Variants in VEPH1 observed in about 807,000 individuals in gnomAD.
The protein encoded by VEPH1 is ventricular zone expressed PH domain containing 1.
A neutral mutation model predicts 85.2 loss-of-function variants in VEPH1; 80 were observed. The ratio of observed to expected loss-of-function variants is 0.94; its 90% CI spans 0.78 to 1.13. VEPH1 has a LOEUF of 1.13. VEPH1 is among the 50% of genes most tolerant of loss of function. The probability of loss-of-function intolerance (pLI) is 0.00; values close to 1 mark genes in which losing one functional copy is unlikely to be tolerated. For synonymous variants in VEPH1, 297 were observed against 348.0 expected (o/e 0.85, Z 1.63); for missense variants, 955 against 980.5 (o/e 0.97, Z 0.35).
At chr3:157,462,508 T>C (rs1417220956) in intron 3 of VEPH1, among the ~76,000 whole-genome samples, 1 of 152,170 alleles carries the variant, frequency 6.6e-6, no homozygotes, top group Non-Finnish European at 1.5e-5. Flanking sequence ...GTCAGGAAGA[T>C]GACTTGTCTA....
At chr3:157,286,412 T>C in intron 12 of VEPH1, 145 bp downstream of exon 12, 1 of 714,548 alleles carries the variant, frequency 1.4e-6, no homozygotes, top group Non-Finnish European at 2.4e-6. Context: ...GACGCCTTTC[T>C]CAGCACAAAG....
intron 2 of VEPH1, chr3:157,488,910 TTCTCTCTCTCTCTCTCTCTC>T (rs58292793): frequency 7.9e-6 from 1 of 127,244 alleles, no homozygotes; most frequent in African/African-American, 3.2e-5. Flanking sequence ...CTTAAGTTCG[TTCTCTCTCTCTCTCTCTCTC>T]TCTCTCTCTC....
intron 6 of VEPH1, among the ~76,000 whole-genome samples, chr3:157,402,220 T>C (rs1251075237): frequency 6.6e-6 from 1 of 152,192 alleles, no homozygotes; most frequent in East Asian, 1.9e-4. Flanking sequence ...ATTTGTAACT[T>C]TTGCTGTTGC....
At chr3:157,394,576 A>G (rs889510704) in intron 6 of VEPH1, among the ~76,000 whole-genome samples, 1 of 152,224 alleles carries the variant, frequency 6.6e-6, no homozygotes, top group African/African-American at 2.4e-5. Context: ...CATGAAGCAT[A>G]GTTCTGCAAT....
chr3:157,439,757 G>GT (rs1218695160), intron 4 of VEPH1, among the ~76,000 whole-genome samples: 8 of 151,950 alleles, frequency 5.3e-5, no homozygotes, highest in Non-Finnish European at 1.0e-4. Context: ...CTACTTTTTT[G>GT]TTTTTTTCTT....
At chr3:157,459,704 A>G in intron 4 of VEPH1, 1 of 1,399,616 alleles carries the variant, frequency 7.1e-7, no homozygotes, top group South Asian at 1.7e-5. Flanking sequence ...TTTTTATGCT[A>G]GTATTTATGC....
At chr3:157,331,178 C>T (rs1215373349) in intron 9 of VEPH1, among the ~76,000 whole-genome samples, 2 of 152,202 alleles carry the variant, frequency 1.3e-5, no homozygotes, top group Non-Finnish European at 2.9e-5. Flanking sequence ...CCATTGCTAA[C>T]AGCCACACAG....
intron 11 of VEPH1, among the ~76,000 whole-genome samples, chr3:157,304,034 T>C (rs200365677): frequency 5.5e-5 from 4 of 73,110 alleles, no homozygotes; most frequent in East Asian, 7.9e-4. Flanking sequence ...TATATATATA[T>C]ATATACACAC....
intron 4 of VEPH1, chr3:157,442,911 C>T (rs565853397): frequency 3.1e-5 from 50 of 1,614,004 alleles, no homozygotes; most frequent in East Asian, 1.1e-4. Flanking sequence ...TTGTCACATC[C>T]GGGGGAATAT....
rs779683954 is a variant in VEPH1, at chr3:157,363,480, G to A, written c.1619C>T (p.Pro540Leu). 10 of 1,614,044 alleles carry A rather than the reference G, an allele frequency of 6.2e-6. No homozygotes were observed. Among genetic ancestry groups the A allele is most frequent in the South Asian group, 1.1e-5 (1 of 91,068 alleles). Residue 540 changes from proline to leucine, a missense_variant, in exon 9 of 14, where the codon CCT (proline) becomes CTT (leucine). Physicochemically the swap from Pro to Leu is moderately conservative, Grantham distance 98. Coordinates refer to ENST00000362010, the MANE Select transcript of VEPH1 (RefSeq NM_001167912.2). ...GTAGAGCTTATCTTGGTATTCTATA[G>A]GACTTGCAGTTGTCTCTGGAGTTTC... ...QEETPETTAS[P>L]IEYQDKLYLH...
chr3:157,422,284 A>C (rs979214493), intron 5 of VEPH1, among the ~76,000 whole-genome samples: 3 of 152,172 alleles, frequency 2.0e-5, no homozygotes, highest in Non-Finnish European at 2.9e-5. Context: ...GATAAAGATG[A>C]AGTGCATGTG....
rs184408966 is a variant in VEPH1 at position 157,446,760 on chromosome 3, T to G, written c.529+13421A>C. Among the ~76,000 whole-genome samples, 60 of 152,326 alleles carry G rather than the reference T, an allele frequency of 3.9e-4. 1 individual carries two copies. In the East Asian group the frequency reaches 0.01, roughly 25 times the overall value. Reference sequence around the variant, plus strand: ...GATGTATTCTTGGATTCAGTGAACATGAACACTCCTATCGTTGATCCTTGC... The same window carrying G: ...GATGTATTCTTGGATTCAGTGAACAGGAACACTCCTATCGTTGATCCTTGC... On this transcript the variant is annotated intron_variant, in intron 4 of 13. Coordinates refer to ENST00000362010, the MANE Select transcript of VEPH1 (RefSeq NM_001167912.2).
At position 157,261,140 on chromosome 3, in the gene VEPH1, A is replaced by G; in HGVS notation, c.2496T>C (p.Tyr832=). The G allele has an allele frequency of 6.2e-7, 1 of 1,613,606 alleles. No individual in the cohort carries two copies. Among genetic ancestry groups the G allele is most frequent in the Non-Finnish European group, 8.5e-7 (1 of 1,179,664 alleles). The change falls in exon 14 of 14, where the codon TAT becomes TAC. Residue 832 remains tyrosine (Y), a synonymous_variant. Coordinates refer to ENST00000362010, the MANE Select transcript of VEPH1 (RefSeq NM_001167912.2). ...ATGGCTGACTTATAAATCCCTACAG[A>G]TATGTGGTTACTTCTCTACTTTCCC... ...KERESREVTT[Y]L
chr3:157,364,017 C>T (rs1467997205), intron 8 of VEPH1, among the ~76,000 whole-genome samples: 1 of 152,158 alleles, frequency 6.6e-6, no homozygotes, highest in African/African-American at 2.4e-5. Flanking sequence ...ACATATTTTT[C>T]ATCTTTGTCT....
At chr3:157,268,349 A>G (rs1714035615) in intron 12 of VEPH1, among the ~76,000 whole-genome samples, 2 of 152,186 alleles carry the variant, frequency 1.3e-5, no homozygotes, top group South Asian at 4.1e-4. Flanking sequence ...GGTGCAGCAG[A>G]CTATCTGGGA....
chr3:157,442,647 G>A (rs148494144), intron 4 of VEPH1: 12 of 1,614,184 alleles, frequency 7.4e-6, no homozygotes, highest in African/African-American at 1.3e-5. Flanking sequence ...CCACCTGTGC[G>A]GCACCTGGAA....
intron 6 of VEPH1, among the ~76,000 whole-genome samples, chr3:157,386,250 C>CAAAAAAAAAAAAAA (rs71302265): frequency 2.6e-5 from 1 of 38,488 alleles, no homozygotes; most frequent in African/African-American, 1.3e-4. Context: ...AATGGTTCCA[C>CAAAAAAAAAAAAAA]AAAAAAAAAA....
intron 9 of VEPH1, among the ~76,000 whole-genome samples, chr3:157,348,876 C>T (rs1390041051): frequency 6.6e-6 from 1 of 152,182 alleles, no homozygotes; most frequent in African/African-American, 2.4e-5. Flanking sequence ...GAAAAATGGC[C>T]CTGCAGCACC....
intron 9 of VEPH1, among the ~76,000 whole-genome samples, chr3:157,348,106 C>T (rs1042596830): frequency 2.6e-5 from 4 of 152,178 alleles, no homozygotes; most frequent in African/African-American, 9.7e-5. Flanking sequence ...GAAACCACCT[C>T]ATGCTCTGCA....
Sources: gnomAD v4.1 joint callset for allele counts (sites outside exome capture counted in the v4.1 genomes callset) on GRCh38, gnomAD v4.1.1 for gene constraint, MANE v1.5 for transcripts, NCBI Gene and HGNC (gene_info 2026-07-23, HGNC 2026-07-21) for gene names.